The following NRK variants were observed in gnomAD, a reference collection of about 807,000 sequenced individuals.
NRK encodes Nik related kinase.
In NRK, 67 loss-of-function variants were observed where a neutral mutation model predicts 125.2. The observed-to-expected ratio is 0.54, with a 90% CI of 0.44 to 0.66. NRK has a LOEUF of 0.66. Ranked by LOEUF, NRK falls within the 30% of genes least tolerant of loss-of-function variation. The pLI is 0.00. For missense variants in NRK, 1,224 were observed against 1,192.9 expected (o/e 1.03, Z -0.38); for synonymous variants, 458 against 429.0 (o/e 1.07, Z -0.84).
At chrX:105,925,087 C>T in intron 19 of NRK, 56 bp downstream of exon 19, 7 of 883,390 alleles carry the variant, frequency 7.9e-6, no homozygotes, top group Non-Finnish European at 1.1e-5. Context: ...TGTGTTTCTT[C>T]ATGGGACATG....
intron 1 of NRK, among the ~76,000 whole-genome samples, chrX:105,829,212 C>T (rs1397879457): frequency 8.9e-6 from 1 of 111,962 alleles, no homozygotes; most frequent in Non-Finnish European, 1.9e-5. Flanking sequence ...GACTCTCTGT[C>T]CAGTTGAATA....
In NRK at chrX:105,944,474, C is replaced by T. The variant is rs150747673; in HGVS notation, c.4059+433C>T. Among the ~76,000 whole-genome samples, 148 of 111,791 alleles carry T rather than the reference C, an allele frequency of 1.3e-3. No individual in the cohort carries two copies. In the East Asian group the frequency reaches 0.037, roughly 28 times the overall value. ...ACAGGCATCACAGCAAGGGAGAATG[C>T]GAGGGAAATCCCTGGCCCCTCCCCT... On this transcript the variant is annotated intron_variant, in intron 24 of 28. Coordinates refer to ENST00000243300, the MANE Select transcript of NRK (RefSeq NM_198465.4).
intron 2 of NRK, among the ~76,000 whole-genome samples, chrX:105,838,325 A>T (rs1447932682): frequency 9.0e-6 from 1 of 111,521 alleles, no homozygotes. Context: ...AAGACACTCA[A>T]TGTGAATGTA....
At chrX:105,859,641 G>T (rs987751687) in intron 2 of NRK, among the ~76,000 whole-genome samples, 1 of 112,357 alleles carries the variant, frequency 8.9e-6, no homozygotes, top group African/African-American at 3.2e-5. Context: ...TCAACAGAGT[G>T]TGTGGAAGCC....
chrX:105,826,164 G>GAT (rs947537405), intron 1 of NRK, among the ~76,000 whole-genome samples: 5 of 85,585 alleles, frequency 5.8e-5, no homozygotes, highest in Non-Finnish European at 1.1e-4. Flanking sequence ...TATATGGTAA[G>GAT]ATATATATAT....
At chrX:105,907,078 TA>T (rs896127995) in intron 11 of NRK, 6 of 110,730 alleles carry the variant, frequency 5.4e-5, no homozygotes, top group African/African-American at 2.0e-4. Flanking sequence ...TTTTATGTAC[TA>T]AACTCCAAAT....
chrX:105,893,987 G>T (rs1454789042), intron 6 of NRK, 45 bp downstream of exon 6: 1 of 720,041 alleles, frequency 1.4e-6, no homozygotes, highest in Admixed American at 2.5e-5. Flanking sequence ...TTAAGAACCT[G>T]GGAGTAATAT....
Position 105,941,597 on chromosome X carries a change from G to A in NRK, c.3958+1565G>A, listed in dbSNP as rs775581781. Among the ~76,000 whole-genome samples the A allele has an allele frequency of 3.6e-3, 378 of 105,772 alleles. 5 individuals are homozygous for A. Among genetic ancestry groups the A allele is most frequent in the African/African-American group, 0.01 (303 of 29,054 alleles). 91.9% of individuals were successfully genotyped at this position (105,772 alleles called of 115,157 possible). A position where few individuals can be genotyped will look rare whatever the true frequency, so the allele number is the denominator to read the frequency against. The stretch of plus-strand genomic sequence containing the variant: ...AGAGAGAGAGAGAGAGAGAGAATGC[G>A]TAGGGATGGCAGAAGAAATTGCAGC... On this transcript the variant is annotated intron_variant, in intron 23 of 28. Transcript: ENST00000243300.
At chrX:105,838,166 C>T (rs2039288877) in intron 2 of NRK, among the ~76,000 whole-genome samples, 2 of 111,757 alleles carry the variant, frequency 1.8e-5, no homozygotes, top group Non-Finnish European at 3.8e-5. Context: ...TGTCGCTTCT[C>T]CACCTTACAC....
At chrX:105,895,246 C>A in intron 6 of NRK, 187 bp from the exon 7 acceptor site, 2 of 528,197 alleles carry the variant, frequency 3.8e-6, no homozygotes, top group East Asian at 3.5e-5. Context: ...AGCCAAAAGT[C>A]ATATTTCTGG....
At chrX:105,927,774 T>A (rs184904421) in intron 19 of NRK, among the ~76,000 whole-genome samples, 19 of 111,752 alleles carry the variant, frequency 1.7e-4, no homozygotes, top group African/African-American at 5.2e-4. Context: ...ATGTGATGTA[T>A]CATGTTTATT....
At chrX:105,922,469 TAA>T (rs754265655) in intron 17 of NRK, among the ~76,000 whole-genome samples, 1 of 111,919 alleles carries the variant, frequency 8.9e-6, no homozygotes, top group East Asian at 2.8e-4. Context: ...ACTGCATAAA[TAA>T]AAAGTCTTCC....
chrX:105,888,247 A>G, intron 4 of NRK, 47 bp from the exon 5 acceptor site: 1 of 1,114,455 alleles, frequency 9.0e-7, no homozygotes, highest in Non-Finnish European at 1.2e-6. Context: ...ACTTATAGTC[A>G]TTGATTGCAC....
chrX:105,954,530 A>G (rs73535223), intron 28 of NRK, among the ~76,000 whole-genome samples: 12,712 of 109,977 alleles, frequency 0.12, 1,808 homozygotes, highest in African/African-American at 0.4. Context: ...TAATATTTAA[A>G]TTTTAATAAT....
At position 105,923,506 on chromosome X, in the gene NRK, ACT is replaced by A; in HGVS notation, c.2975+28_2975+29del. 2.8e-6 allele frequency: 3 copies of A among 1,063,398 alleles called. No individual in the cohort carries two copies. In the East Asian group the frequency reaches 1.0e-4, roughly 36 times the overall value. 87.6% of individuals were successfully genotyped at this position (1,063,398 alleles called of 1,213,427 possible). A position where few individuals can be genotyped will look rare whatever the true frequency, so the allele number is the denominator to read the frequency against. ...AGGTTGGTTTTTTTGAATTACTTAT[ACT>A]CTCCATGTTTTATGACTGCAGAGCT... On this transcript the variant is annotated intron_variant, in intron 18 of 28. Transcript: ENST00000243300.
At chrX:105,823,538 T>C (rs1436876218) in intron 1 of NRK, among the ~76,000 whole-genome samples, 2 of 101,292 alleles carry the variant, frequency 2.0e-5, no homozygotes, top group East Asian at 3.0e-4. Context: ...GCACACTCGA[T>C]TTTTTTTTTT....
At chrX:105,914,936 C>A (rs2040346559) in intron 14 of NRK, among the ~76,000 whole-genome samples, 1 of 105,241 alleles carries the variant, frequency 9.5e-6, no homozygotes, top group African/African-American at 3.4e-5. Context: ...GAGTAGAAAC[C>A]TGGTGATACA....
rs1483238443 is a variant in NRK, at chrX:105,900,668, C to T, written c.762C>T (p.Ala254=). 9.0e-7 allele frequency: 1 copy of T among 1,112,228 alleles called. No homozygotes were observed. 91.7% of individuals were successfully genotyped at this position (1,112,228 alleles called of 1,213,427 possible). The change falls in exon 9 of 29, where the codon GCC becomes GCT. Residue 254 remains alanine (A), a synonymous_variant. Coordinates refer to ENST00000243300, the MANE Select transcript of NRK (RefSeq NM_198465.4). ...GITAIEMAEG[A]PPLCNLQPLE... ...CTGCCATTGAAATGGCTGAAGGAGC[C>T]CCTCGTGAGTAAAAAATGTTTGATA... is the stretch of plus-strand genomic sequence containing the variant.
intron 21 of NRK, among the ~76,000 whole-genome samples, chrX:105,937,075 T>C (rs2040675030): frequency 9.1e-6 from 1 of 109,457 alleles, no homozygotes; most frequent in Non-Finnish European, 1.9e-5. Flanking sequence ...TGCTAATATA[T>C]CCATAAATTT....
Sources: allele counts gnomAD v4.1 joint callset (sites outside exome capture counted in the v4.1 genomes callset), GRCh38; gene constraint gnomAD v4.1.1; transcripts MANE v1.5; gene names NCBI Gene and HGNC (gene_info 2026-07-23, HGNC 2026-07-21).